Variants in LRRC71 observed in about 807,000 individuals in gnomAD.
LRRC71 encodes the protein leucine rich repeat containing 71, also known as leucine-rich repeat-containing protein 71.
LRRC71 carries 54 observed loss-of-function variants against 66.6 expected under a neutral mutation model. The ratio of observed to expected loss-of-function variants is 0.81; its 90% CI spans 0.65 to 1.02. The LOEUF is 1.02. LRRC71 is among the 50% of genes least tolerant of loss of function. The pLI is 0.00. For missense variants in LRRC71, 724 were observed against 718.0 expected, an observed-to-expected ratio of 1.01 and a Z score of -0.10; for synonymous variants, 323 against 303.9, an observed-to-expected ratio of 1.06 and a Z score of -0.65.
At chr1:156,931,839 TTGAA>T (rs949626847) in intron 12 of LRRC71, 73 bp from the exon 13 acceptor site, 467 of 1,161,132 alleles carry the variant, frequency 4.0e-4, no homozygotes, top group Non-Finnish European at 5.0e-4. Context: ...AACATGTATG[TTGAA>T]TGAATGAATG....
At chr1:156,938,348 C>G in the LRRC71 span, 2 of 1,436,242 alleles carry the variant, frequency 1.4e-6, no homozygotes, top group East Asian at 2.4e-5. Context: ...GGGCAGGGGT[C>G]CGACTCTGCC....
At position 156,929,263 on chromosome 1, in the gene LRRC71, C is replaced by T. The variant is rs778076207; in HGVS notation, c.997-17C>T. 2 of 1,589,128 alleles carry T rather than the reference C, an allele frequency of 1.3e-6. No individual in the cohort carries two copies. The highest frequency in any genetic ancestry group is 4.6e-5 in the East Asian group (2 of 43,648). On this transcript the variant is annotated splice_polypyrimidine_tract_variant and intron_variant, in intron 9 of 14. Coordinates refer to ENST00000337428, the MANE Select transcript of LRRC71 (RefSeq NM_144702.3). ...GCTCTGGCTTCTTCCCCCCTTCCCTCCCATTTGTGAGCACAGCCCTCCTCC... is the reference window on the plus strand; with the variant it reads ...GCTCTGGCTTCTTCCCCCCTTCCCTTCCATTTGTGAGCACAGCCCTCCTCC...
downstream of LRRC71, chr1:156,935,899 C>A: frequency 7.4e-7 from 1 of 1,356,958 alleles, no homozygotes; most frequent in Non-Finnish European, 1.0e-6. Context: ...ACTGCCTCCT[C>A]CACAGGGAGG....
downstream of LRRC71, chr1:156,935,854 T>A: frequency 1.1e-6 from 1 of 886,868 alleles, no homozygotes; most frequent in Non-Finnish European, 1.7e-6. Context: ...CATGCGGGTC[T>A]CCCCCCGGGC....
At chr1:156,934,344 TAC>T (rs1280212989), downstream of LRRC71, among the ~76,000 whole-genome samples, 1 of 152,254 alleles carries the variant, frequency 6.6e-6, no homozygotes, top group African/African-American at 2.4e-5. Flanking sequence ...GGTGAATGGT[TAC>T]AGTCTTGGTG....
intron 10 of LRRC71, 36 bp downstream of exon 10, chr1:156,929,465 C>T (rs764110326): frequency 2.2e-5 from 36 of 1,612,736 alleles, no homozygotes; most frequent in South Asian, 1.7e-4. Context: ...GGGTGCTGGA[C>T]GGACAGGGGA....
Position 156,920,991 on chromosome 1 carries a change from G to A in LRRC71, c.160+28G>A. The A allele has an allele frequency of 6.8e-7, 1 of 1,476,324 alleles. No homozygotes were observed. Among genetic ancestry groups the A allele is most frequent in the Non-Finnish European group, 9.0e-7 (1 of 1,107,172 alleles). 91.5% of individuals were successfully genotyped at this position (1,476,324 alleles called of 1,614,324 possible). On this transcript the variant is annotated intron_variant, in intron 1 of 14. Coordinates refer to ENST00000337428, the MANE Select transcript of LRRC71 (RefSeq NM_144702.3). This position sits in a 1 kb window ranked among gnomAD's most constrained non-coding sequence, Gnocchi z 4.9. ...ACGCTGGCGCCGGGGTTTGGGGATC[G>A]GGCTTCCAGGCTGCGTCTTCCCGGG...
chr1:156,933,447 C>T (rs1312292572), downstream of LRRC71, among the ~76,000 whole-genome samples: 2 of 152,216 alleles, frequency 1.3e-5, no homozygotes, highest in Non-Finnish European at 2.9e-5. Context: ...AGGCTCCATG[C>T]CCGCTCCCTT....
downstream of LRRC71, among the ~76,000 whole-genome samples, chr1:156,936,497 A>AAAAAAAAAAAAAAAAAAATAT (rs370282821): frequency 2.9e-5 from 1 of 33,918 alleles, no homozygotes; most frequent in African/African-American, 1.5e-4. Context: ...AAAAAAAAAA[A>AAAAAAAAAAAAAAAAAAATAT]ATATATATAT....
At chr1:156,924,329 C>A (rs891681700) in intron 2 of LRRC71, 95 bp from the exon 3 acceptor site, 2 of 1,468,178 alleles carry the variant, frequency 1.4e-6, no homozygotes, top group African/African-American at 2.8e-5. Context: ...TCCCCTCTGG[C>A]GGTGTCCTCC....
Position 156,924,342 on chromosome 1 carries a change from T to C in LRRC71, c.311-82T>C. The C allele has an allele frequency of 2.0e-6, 3 of 1,499,840 alleles. 1 individual carries two copies. In the South Asian group the frequency reaches 3.8e-5, roughly 19 times the overall value. 92.9% of individuals were successfully genotyped at this position (1,499,840 alleles called of 1,614,324 possible). The stretch of plus-strand genomic sequence containing the variant: ...CCTCCCCTCTGGCGGTGTCCTCCAA[T>C]CCCACCCGGGCACCCGTGGGCCGGC... On this transcript the variant is annotated intron_variant, in intron 2 of 14. Coordinates refer to ENST00000337428, the MANE Select transcript of LRRC71 (RefSeq NM_144702.3).
downstream of LRRC71, among the ~76,000 whole-genome samples, chr1:156,936,497 A>AAAATATATAT (rs370282821): frequency 5.9e-4 from 20 of 33,932 alleles, no homozygotes; most frequent in East Asian, 2.2e-3. Flanking sequence ...AAAAAAAAAA[A>AAAATATATAT]ATATATATAT....
At chr1:156,937,042 T>G (rs1557809925), downstream of LRRC71, 1 of 1,602,044 alleles carries the variant, frequency 6.2e-7, no homozygotes, top group Non-Finnish European at 8.5e-7. Context: ...GCTCGAGTCC[T>G]TCTATTCCTA....
Position 156,933,047 on chromosome 1 carries a change from G to A in LRRC71, c.*78G>A. 1 of 1,031,194 alleles carries A rather than the reference G, an allele frequency of 9.7e-7. No homozygotes were observed. Among genetic ancestry groups the A allele is most frequent in the Non-Finnish European group, 1.4e-6 (1 of 696,302 alleles). 63.9% of individuals were successfully genotyped at this position (1,031,194 alleles called of 1,614,324 possible). ...TCCCTGTGTGGGGTGACCTCCCTGG[G>A]GGAGATCTCAGACCAATAACAAAGT... is the stretch of plus-strand genomic sequence containing the variant. On this transcript the variant is annotated 3_prime_UTR_variant, in exon 15 of 15. Transcript: ENST00000337428.
the LRRC71 span, chr1:156,940,167 T>G: frequency 6.5e-7 from 1 of 1,534,056 alleles, no homozygotes; most frequent in Non-Finnish European, 8.8e-7. Context: ...GGTGTGCGAC[T>G]GGGGACCAGG....
chr1:156,929,341 T>A lies in LRRC71; in HGVS notation c.1058T>A (p.Ile353Asn), dbSNP rs1403295339. 3 of 1,613,170 alleles carry A rather than the reference T, an allele frequency of 1.9e-6. No homozygotes were observed. Among genetic ancestry groups the A allele is most frequent in the Non-Finnish European group, 2.5e-6 (3 of 1,179,574 alleles). ...CGTGAGAAGAGTCAGATGGTAGGGATCAGCAATAGTGCATTGGTGGACAAG... is the reference window on the plus strand; with the variant it reads ...CGTGAGAAGAGTCAGATGGTAGGGAACAGCAATAGTGCATTGGTGGACAAG... ...TDREKSQMVG[I>N]SNSALVDKTD... The change falls in exon 10 of 15, where the codon ATC (isoleucine) becomes AAC (asparagine). Residue 353 changes from isoleucine to asparagine, a missense_variant. Transcript: ENST00000337428.
chr1:156,929,540 C>A, intron 10 of LRRC71, 96 bp from the exon 11 acceptor site: 1 of 1,545,148 alleles, frequency 6.5e-7, no homozygotes, highest in East Asian at 2.4e-5. Flanking sequence ...TGAAGTTCCC[C>A]CTAAGGCCCC....
Position 156,920,960 on chromosome 1 carries a change from C to T in LRRC71, c.157C>T (p.Pro53Ser). 6.6e-7 allele frequency: 1 copy of T among 1,504,566 alleles called. No individual in the cohort carries two copies. The highest frequency in any genetic ancestry group is 1.4e-5 in the African/African-American group (1 of 70,774). 93.2% of individuals were successfully genotyped at this position (1,504,566 alleles called of 1,614,324 possible). The change falls in exon 1 of 15, where the codon CCT becomes TCT. Residue 53 changes from proline (P) to serine (S), a missense_variant. By Grantham distance (74) the Pro-to-Ser change is moderately conservative (BLOSUM62 -1). Coordinates refer to ENST00000337428, the MANE Select transcript of LRRC71 (RefSeq NM_144702.3). This position sits in a 1 kb window ranked among gnomAD's most constrained non-coding sequence, Gnocchi z 4.9. ...CGTGGGGGAGGAGGAGCCCAAAAGC[C>T]CTGGTACGCTGGCGCCGGGGTTTGG... ...PPVGEEEPKS[P>S]EEYQCSGVLE...
At chr1:156,933,207 A>G, downstream of LRRC71, 1 of 471,044 alleles carries the variant, frequency 2.1e-6, no homozygotes. Context: ...TCCGCTGGGG[A>G]TGATCTCAGC....
Sources: gnomAD v4.1 joint callset for allele counts (sites outside exome capture counted in the v4.1 genomes callset) on GRCh38, gnomAD v4.1.1 for gene constraint, Gnocchi (gnomAD v3.1) non-coding constraint, MANE v1.5 for transcripts, NCBI Gene and HGNC (gene_info 2026-07-23, HGNC 2026-07-21) for gene names.